The following CD38 variants were observed in gnomAD, a reference collection of about 807,000 sequenced individuals.
CD38 encodes ADP-ribosyl cyclase/cyclic ADP-ribose hydrolase 1.
Under a neutral mutation model 36.3 loss-of-function variants are expected in CD38, and 31 were observed. The observed-to-expected ratio is 0.85, with a 90% CI of 0.64 to 1.15. CD38 has a LOEUF of 1.15. CD38 is among the 50% of genes most tolerant of loss of function. CD38 has a pLI of 0.00. For synonymous variants in CD38, 131 were observed against 135.2 expected (o/e 0.97, Z 0.22); for missense variants, 380 against 371.9 (o/e 1.02, Z -0.18).
chr4:15,841,759 G>T (rs1486593760), intron 7 of CD38, among the ~76,000 whole-genome samples: 3 of 147,148 alleles, frequency 2.0e-5, no homozygotes, highest in African/African-American at 7.8e-5. Flanking sequence ...AAGCGCAAGG[G>T]GTCAGGGAGT....
chr4:15,825,235 G>T, intron 3 of CD38: 1 of 491,970 alleles, frequency 2.0e-6, no homozygotes, highest in South Asian at 3.1e-5. Flanking sequence ...AGTTACGCAG[G>T]CTGTACAAGA....
intron 3 of CD38, among the ~76,000 whole-genome samples, chr4:15,829,460 C>A (rs766563368): frequency 1.5e-4 from 23 of 151,928 alleles, no homozygotes; most frequent in Admixed American, 1.1e-3. Flanking sequence ...TTGGGCCACA[C>A]ATAAAATACA....
intron 1 of CD38, among the ~76,000 whole-genome samples, chr4:15,805,337 T>TC (rs79820747): frequency 0.44 from 66,834 of 151,810 alleles, 17,082 homozygotes; most frequent in African/African-American, 0.72. Flanking sequence ...TGGAGCTAAG[T>TC]CCTCGCTTCC....
intron 1 of CD38, among the ~76,000 whole-genome samples, chr4:15,779,252 G>A (rs1040298741): frequency 1.6e-4 from 25 of 152,284 alleles, no homozygotes; most frequent in African/African-American, 5.8e-4. Flanking sequence ...TGTGACCAGA[G>A]AAGTAATTAA....
chr4:15,781,207 A>G (rs1251326569), intron 1 of CD38, among the ~76,000 whole-genome samples: 1 of 152,202 alleles, frequency 6.6e-6, no homozygotes, highest in Non-Finnish European at 1.5e-5. Flanking sequence ...TGCACTTTGT[A>G]TTGTGACAGG....
intron 1 of CD38, among the ~76,000 whole-genome samples, chr4:15,798,523 T>C (rs933192555): frequency 6.6e-6 from 1 of 152,214 alleles, no homozygotes; most frequent in African/African-American, 2.4e-5. Context: ...CCCAAAGGTA[T>C]AAAAGAGGCT....
intron 1 of CD38, among the ~76,000 whole-genome samples, chr4:15,806,519 G>A: frequency 6.6e-6 from 1 of 152,196 alleles, no homozygotes; most frequent in East Asian, 1.9e-4. Context: ...TTAAATGGCA[G>A]GTACTTGGCA....
At chr4:15,806,493 T>C (rs1279141473) in intron 1 of CD38, among the ~76,000 whole-genome samples, 1 of 152,214 alleles carries the variant, frequency 6.6e-6, no homozygotes, top group Non-Finnish European at 1.5e-5. Flanking sequence ...ACCCCGCCCA[T>C]GGACTAGTAT....
intron 1 of CD38, among the ~76,000 whole-genome samples, chr4:15,816,131 A>G (rs923889574): frequency 2.6e-5 from 4 of 152,178 alleles, no homozygotes; most frequent in Admixed American, 1.3e-4. Flanking sequence ...ATCGTGGTGG[A>G]TAAGCTTTTT....
intron 3 of CD38, among the ~76,000 whole-genome samples, chr4:15,826,413 A>C (rs1403355158): frequency 6.6e-6 from 1 of 151,022 alleles, no homozygotes; most frequent in Non-Finnish European, 1.5e-5. Context: ...AAGTTGCTTT[A>C]GTTTTGGTTG....
intron 2 of CD38, among the ~76,000 whole-genome samples, chr4:15,823,504 G>T (rs1251187236): frequency 6.6e-6 from 1 of 152,180 alleles, no homozygotes; most frequent in Non-Finnish European, 1.5e-5. Context: ...CCATCAAAAA[G>T]TGGGCAAAGA....
At chr4:15,806,503 T>C (rs145617795) in intron 1 of CD38, among the ~76,000 whole-genome samples, 36 of 152,272 alleles carry the variant, frequency 2.4e-4, no homozygotes, top group South Asian at 4.1e-4. Context: ...TGGACTAGTA[T>C]GAGATTTAAA....
At chr4:15,796,979 A>G (rs943637026) in intron 1 of CD38, among the ~76,000 whole-genome samples, 1 of 152,226 alleles carries the variant, frequency 6.6e-6, no homozygotes, top group Admixed American at 6.5e-5. Flanking sequence ...ATAAGATATA[A>G]TTCTGGAAGT....
chr4:15,811,481 T>G (rs1260532962), intron 1 of CD38, among the ~76,000 whole-genome samples: 2 of 152,234 alleles, frequency 1.3e-5, no homozygotes, highest in East Asian at 3.8e-4. Context: ...TTTATTCTTT[T>G]GCATGTGGAT....
chr4:15,820,891 T>A (rs562800368), intron 2 of CD38, among the ~76,000 whole-genome samples: 1 of 152,358 alleles, frequency 6.6e-6, no homozygotes, highest in Non-Finnish European at 1.5e-5. Flanking sequence ...TATACATTAT[T>A]ATTGGTGCCA....
chr4:15,797,684 AG>A (rs1290102021), intron 1 of CD38, among the ~76,000 whole-genome samples: 1 of 152,160 alleles, frequency 6.6e-6, no homozygotes, highest in East Asian at 1.9e-4. Context: ...AAGGTGTGAG[AG>A]AGAATCTGCT....
At chr4:15,799,324 A>G (rs1489082505) in intron 1 of CD38, among the ~76,000 whole-genome samples, 1 of 152,072 alleles carries the variant, frequency 6.6e-6, no homozygotes, top group Non-Finnish European at 1.5e-5. Context: ...TTCTTTATGT[A>G]TGTCAGTTTA....
chr4:15,787,030 T>G (rs1190656888), intron 1 of CD38, among the ~76,000 whole-genome samples: 1 of 146,472 alleles, frequency 6.8e-6, no homozygotes, highest in African/African-American at 2.8e-5. Context: ...CCGCTCAGAG[T>G]GCGGCCTGGG....
At chr4:15,847,568 T>TAAAAATAAA in intron 7 of CD38, among the ~76,000 whole-genome samples, 1 of 45,656 alleles carries the variant, frequency 2.2e-5, no homozygotes, top group African/African-American at 7.6e-5. Flanking sequence ...ATAAAAAAAA[T>TAAAAATAAA]AAAAAATAAA....
Sources: allele counts gnomAD v4.1 joint callset (sites outside exome capture counted in the v4.1 genomes callset), GRCh38; gene constraint gnomAD v4.1.1; transcripts MANE v1.5; gene names NCBI Gene and HGNC (gene_info 2026-07-23, HGNC 2026-07-21).